The following ZC3H7A variants were observed in gnomAD, a reference collection of about 807,000 sequenced individuals.
ZC3H7A encodes zinc finger CCCH domain-containing protein 7A.
ZC3H7A carries 44 observed loss-of-function variants against 125.5 expected under a neutral mutation model. That is an observed-to-expected ratio of 0.35 (90% CI 0.28 to 0.45). ZC3H7A has a LOEUF of 0.45. ZC3H7A is among the 20% of genes least tolerant of loss of function. The pLI, the probability that ZC3H7A is intolerant of heterozygous loss-of-function variation, is 1.00. For missense variants in ZC3H7A, 977 were observed against 1,170.7 expected, an observed-to-expected ratio of 0.83 and a Z score of 2.41; for synonymous variants, 399 against 391.2, an observed-to-expected ratio of 1.02 and a Z score of -0.23.
chr16:11,788,002 C>T (rs997583081), intron 1 of ZC3H7A, among the ~76,000 whole-genome samples: 1 of 151,604 alleles, frequency 6.6e-6, no homozygotes. Context: ...CGTCCAGCCC[C>T]ATACTCCTTT....
chr16:11,784,848 C>A (rs2053231468), intron 1 of ZC3H7A, among the ~76,000 whole-genome samples: 1 of 132,768 alleles, frequency 7.5e-6, no homozygotes, highest in Admixed American at 7.5e-5. Context: ...GAGTGACACT[C>A]CATCTCAAAA....
intron 8 of ZC3H7A, among the ~76,000 whole-genome samples, 170 bp from the exon 9 acceptor site, chr16:11,774,689 C>G (rs749770229): frequency 6.6e-6 from 1 of 152,094 alleles, no homozygotes; most frequent in Non-Finnish European, 1.5e-5. Flanking sequence ...CGTGTGAAAA[C>G]TTATCCTTCT....
At chr16:11,758,244 C>T (rs1037054917) in intron 20 of ZC3H7A, among the ~76,000 whole-genome samples, 187 bp downstream of exon 20, 10 of 152,214 alleles carry the variant, frequency 6.6e-5, no homozygotes, top group African/African-American at 1.7e-4. Context: ...TCAGACGCCA[C>T]ATTCTACCCC....
rs568503461 is a variant in ZC3H7A at position 11,784,258 on chromosome 16, G to A, written c.-34-1870C>T. On this transcript the variant is annotated intron_variant, in intron 1 of 22. Coordinates refer to ENST00000355758, the MANE Select transcript of ZC3H7A (RefSeq NM_014153.4). ...TGGTTCCAGCTGGATGAGGGGCATG[G>A]AAGCTCATTCCACCCTTCTAGCTAC... Among the ~76,000 whole-genome samples, 7 of 152,212 alleles carry A rather than the reference G, an allele frequency of 4.6e-5. No individual in the cohort carries two copies. The East Asian group carries it at 1.3e-3, about 29-fold the overall frequency.
chr16:11,765,447 A>G lies in ZC3H7A; in HGVS notation c.1719+42T>C, dbSNP rs746458256. On this transcript the variant is annotated intron_variant, in intron 14 of 22. Coordinates refer to ENST00000355758, the MANE Select transcript of ZC3H7A (RefSeq NM_014153.4). The surrounding 1 kb of genome is among the most constrained non-coding windows in gnomAD (Gnocchi z 4.8). ...GGCAGGACAATACCACTGGGCTTGCAAATTCAACTTTACAGTGGAAAATAA... is the reference window on the plus strand; with the variant it reads ...GGCAGGACAATACCACTGGGCTTGCGAATTCAACTTTACAGTGGAAAATAA... The G allele has an allele frequency of 1.9e-6, 3 of 1,546,664 alleles. No homozygotes were observed. The highest frequency in any genetic ancestry group is 1.8e-5 in the Admixed American group (1 of 55,280).
At position 11,765,135 on chromosome 16, in the gene ZC3H7A, G is replaced by T; in HGVS notation, c.1738C>A (p.Pro580Thr). Residue 580 changes from proline (P) to threonine (T), a missense_variant, in exon 15 of 23, where the codon CCT (proline) becomes ACT (threonine). Pro to Thr is a conservative substitution (Grantham distance 38). Coordinates refer to ENST00000355758, the MANE Select transcript of ZC3H7A (RefSeq NM_014153.4). This position sits in a 1 kb window ranked among gnomAD's most constrained non-coding sequence, Gnocchi z 4.8. ...TTATTTCTTTTACTTATCATTCTAG[G>T]CTTATGATCAAAACATTTCTGGAAT... ...FLCEKCFDHK[P>T]RMISKRNKDN... 1 of 1,560,630 alleles carries T rather than the reference G, an allele frequency of 6.4e-7. No individual in the cohort carries two copies. Among genetic ancestry groups the T allele is most frequent in the Non-Finnish European group, 8.7e-7 (1 of 1,154,950 alleles).
intron 9 of ZC3H7A, among the ~76,000 whole-genome samples, chr16:11,772,396 G>A (rs1369734853): frequency 6.6e-6 from 1 of 151,646 alleles, no homozygotes; most frequent in Non-Finnish European, 1.5e-5. Flanking sequence ...CTCACTGAGA[G>A]CTTCCACGCA....
At chr16:11,772,204 AAAAG>A (rs1567383575) in intron 9 of ZC3H7A, among the ~76,000 whole-genome samples, 1 of 149,646 alleles carries the variant, frequency 6.7e-6, no homozygotes, top group Non-Finnish European at 1.5e-5. Flanking sequence ...CAAAAAAAAA[AAAAG>A]AATTTGCACC....
Position 11,762,022 on chromosome 16 carries a change from G to C in ZC3H7A, c.2101C>G (p.Pro701Ala). The C allele has an allele frequency of 1.9e-6, 3 of 1,609,656 alleles. No homozygotes were observed. The highest frequency in any genetic ancestry group is 2.5e-6 in the Non-Finnish European group (3 of 1,178,554). Residue 701 changes from proline to alanine, a missense_variant, in exon 18 of 23, where the codon CCT (proline) becomes GCT (alanine). Around this residue, in one of 3 missense-constraint regions of ZC3H7A, gnomAD observed 436 missense variants for 603.2 expected, o/e 0.72. Coordinates refer to ENST00000355758, the MANE Select transcript of ZC3H7A (RefSeq NM_014153.4). ...TTTATCTTCATATTAAGAAATCCAG[G>C]CATTATTTGATTACCAAGTACCTTA... ...GAQVLGNQIMPGFLNMKIKFV... is the reference protein window; with the variant it reads ...GAQVLGNQIMAGFLNMKIKFV...
intron 11 of ZC3H7A, 32 bp downstream of exon 11, chr16:11,768,999 G>T: frequency 1.3e-6 from 2 of 1,568,918 alleles, no homozygotes; most frequent in Non-Finnish European, 8.6e-7. Flanking sequence ...CAATTCAAGC[G>T]ATGTATTTAC....
intron 5 of ZC3H7A, 65 bp from the exon 6 acceptor site, chr16:11,776,597 A>G (rs1173628935): frequency 1.3e-6 from 2 of 1,520,564 alleles, no homozygotes; most frequent in Non-Finnish European, 1.8e-6. Flanking sequence ...AGAATAGACA[A>G]AACAGGGAAG....
intron 8 of ZC3H7A, among the ~76,000 whole-genome samples, 162 bp from the exon 9 acceptor site, chr16:11,774,681 T>C (rs1048909275): frequency 6.6e-6 from 1 of 152,260 alleles, no homozygotes; most frequent in African/African-American, 2.4e-5. Flanking sequence ...TACAGTCACG[T>C]GTGAAAACTT....
intron 13 of ZC3H7A, among the ~76,000 whole-genome samples, chr16:11,766,768 A>G (rs2052866083): frequency 6.6e-6 from 1 of 151,416 alleles, no homozygotes; most frequent in Non-Finnish European, 1.5e-5. Context: ...CTGTAATCCC[A>G]GCTACTCGGG....
intron 21 of ZC3H7A, chr16:11,753,849 C>G (rs1013210709): frequency 2.6e-5 from 4 of 152,182 alleles, no homozygotes; most frequent in African/African-American, 9.7e-5. Flanking sequence ...GGGGTTTCAC[C>G]AAGTTGGCCA....
intron 4 of ZC3H7A, among the ~76,000 whole-genome samples, chr16:11,778,792 C>T (rs959333500): frequency 6.6e-6 from 1 of 152,172 alleles, no homozygotes; most frequent in Non-Finnish European, 1.5e-5. Flanking sequence ...CGGCTCACTG[C>T]AAGCTTCGCC....
chr16:11,765,121 A>G lies in ZC3H7A; in HGVS notation c.1752T>C (p.Ser584=). 6.3e-7 allele frequency: 1 copy of G among 1,588,072 alleles called. No individual in the cohort carries two copies. Among genetic ancestry groups the G allele is most frequent in the Non-Finnish European group, 8.6e-7 (1 of 1,168,688 alleles). The part of the protein sequence containing the change: ...KCFDHKPRMI[S]KRNKDNSTAC... Reference sequence around the variant, plus strand: ...CAGTAGAATTATCTTTATTTCTTTTACTTATCATTCTAGGCTTATGATCAA... The same window carrying G: ...CAGTAGAATTATCTTTATTTCTTTTGCTTATCATTCTAGGCTTATGATCAA... Residue 584 remains serine, a synonymous_variant, in exon 15 of 23, where the codon AGT becomes AGC. Transcript: ENST00000355758. This position sits in a 1 kb window ranked among gnomAD's most constrained non-coding sequence, Gnocchi z 4.8.
chr16:11,771,047 T>C, intron 9 of ZC3H7A, 60 bp from the exon 10 acceptor site: 5 of 1,457,648 alleles, frequency 3.4e-6, no homozygotes, highest in Non-Finnish European at 3.7e-6. Context: ...TTGGCTGAAC[T>C]ACTTTCAACA....
At chr16:11,758,740 T>G (rs1028580349) in intron 19 of ZC3H7A, 23 of 521,298 alleles carry the variant, frequency 4.4e-5, no homozygotes, top group African/African-American at 4.4e-4. Context: ...TCTCAAAATT[T>G]TTCAAAAGAA....
Position 11,767,426 on chromosome 16 carries a change from T to TATA in ZC3H7A, c.1510_1512dup (p.Tyr504dup). ...TAATTACAGTACATACCTTTACATA[T>TATA]ATAATATGGTCCTTCATAATTTGTT... On this transcript the variant is annotated inframe_insertion, in exon 13 of 23. Coordinates refer to ENST00000355758, the MANE Select transcript of ZC3H7A (RefSeq NM_014153.4). 1 of 1,582,112 alleles carries TATA rather than the reference T, an allele frequency of 6.3e-7. No homozygotes were observed. The highest frequency in any genetic ancestry group is 8.7e-7 in the Non-Finnish European group (1 of 1,155,076).
Sources: gnomAD v4.1 joint callset for allele counts (sites outside exome capture counted in the v4.1 genomes callset) on GRCh38, gnomAD v4.1.1 for gene constraint, gnomAD v4.1.1 regional missense constraint, Gnocchi (gnomAD v3.1) non-coding constraint, MANE v1.5 for transcripts, NCBI Gene and HGNC (gene_info 2026-07-23, HGNC 2026-07-21) for gene names.